FAT3: variants seen among roughly 807,000 people sequenced by gnomAD.
FAT3 encodes protocadherin Fat 3.
A neutral mutation model predicts 310.2 loss-of-function variants in FAT3; 95 were observed. That is an observed-to-expected ratio of 0.31 (90% CI 0.26 to 0.36). The LOEUF (loss-of-function observed/expected upper bound fraction) is 0.36. Ranked by LOEUF, FAT3 falls within the 10% of genes least tolerant of loss-of-function variation. The pLI is 1.00. For synonymous variants in FAT3, 2,314 were observed against 2,192.9 expected, an observed-to-expected ratio of 1.06 and a Z score of -1.54; for missense variants, 5,408 against 5,715.6, an observed-to-expected ratio of 0.95 and a Z score of 1.74.
At chr11:92,278,219 A>G (rs887186327) in intron 1 of FAT3, among the ~76,000 whole-genome samples, 3 of 152,194 alleles carry the variant, frequency 2.0e-5, no homozygotes, top group Non-Finnish European at 4.4e-5. Flanking sequence ...TACATGTTTA[A>G]GGTATGCATT....
At position 92,837,711 on chromosome 11, in the gene FAT3, G is replaced by A. The variant is rs774664015; in HGVS notation, c.10273G>A (p.Ala3425Thr). The change falls in exon 17 of 28, where the codon GCA becomes ACA. Residue 3425 changes from alanine (A) to threonine (T), a missense_variant. Physicochemically the swap from Ala to Thr is moderately conservative, Grantham distance 58. This residue lies in a region of FAT3 where 4,588 missense variants were observed against 4,809.8 expected (regional missense o/e 0.95). Transcript: ENST00000525166. Reference protein sequence around the residue: ...LVQAVDSGIPAMSSTATVNID... With the variant: ...LVQAVDSGIPTMSSTATVNID... ...CCAGGCCGTAGACAGTGGCATTCCT[G>A]CAATGTCATCAACTGCAACTGTCAA... 3.1e-6 allele frequency: 5 copies of A among 1,613,914 alleles called. No homozygotes were observed. Among genetic ancestry groups the A allele is most frequent in the Non-Finnish European group, 1.7e-6 (2 of 1,179,870 alleles).
intron 3 of FAT3, among the ~76,000 whole-genome samples, chr11:92,682,993 G>A (rs1008473334): frequency 6.6e-6 from 1 of 151,224 alleles, no homozygotes; most frequent in African/African-American, 2.4e-5. Flanking sequence ...CAGGAGAATT[G>A]CTTGAACCCA....
At chr11:92,347,834 G>T (rs1003355837) in intron 1 of FAT3, among the ~76,000 whole-genome samples, 8 of 152,104 alleles carry the variant, frequency 5.3e-5, no homozygotes, top group Non-Finnish European at 1.0e-4. Context: ...CTCTGAGGTT[G>T]GGAACTAAGT....
chr11:92,381,652 A>G (rs1203496003), intron 2 of FAT3, among the ~76,000 whole-genome samples: 1 of 152,194 alleles, frequency 6.6e-6, no homozygotes. Flanking sequence ...ATAAATAGAT[A>G]TATTTTTGTT....
intron 2 of FAT3, among the ~76,000 whole-genome samples, chr11:92,515,859 G>C (rs1953464298): frequency 6.6e-6 from 1 of 152,056 alleles, no homozygotes; most frequent in African/African-American, 2.4e-5. Flanking sequence ...TTGTAATACT[G>C]TCTCTGTTTG....
intron 3 of FAT3, among the ~76,000 whole-genome samples, chr11:92,569,585 G>A (rs943920419): frequency 6.6e-6 from 1 of 152,294 alleles, no homozygotes; most frequent in Middle Eastern, 3.4e-3. Context: ...ATTTCCAGTT[G>A]TACTGGTGGG....
chr11:92,354,776 A>G lies in FAT3; in HGVS notation c.2664A>G (p.Val888=). ...ATAGCTCAACTGGAATCGTTTATGT[A>G]GCCGACCAGTTGGACCGGGAATCCA... ...AINSSTGIVY[V]ADQLDRESKA... is the part of the protein sequence containing the mutation. The change falls in exon 2 of 28, where the codon GTA becomes GTG. Residue 888 remains valine, a synonymous_variant. Coordinates refer to ENST00000525166, the MANE Select transcript of FAT3 (RefSeq NM_001367949.2). The G allele has an allele frequency of 6.2e-7, 1 of 1,613,964 alleles. No individual in the cohort carries two copies. Among genetic ancestry groups the G allele is most frequent in the South Asian group, 1.1e-5 (1 of 91,082 alleles).
chr11:92,841,400 C>T (rs1234789671), intron 18 of FAT3, among the ~76,000 whole-genome samples: 1 of 152,158 alleles, frequency 6.6e-6, no homozygotes, highest in East Asian at 1.9e-4. Context: ...CAGAGGGCAA[C>T]CTAGACTCAT....
chr11:92,256,211 T>C (rs1865308296), intron 1 of FAT3, among the ~76,000 whole-genome samples: 1 of 152,094 alleles, frequency 6.6e-6, no homozygotes. Context: ...AAATAGGTCC[T>C]TTATGGAATA....
intron 1 of FAT3, among the ~76,000 whole-genome samples, chr11:92,286,464 T>C (rs1946564997): frequency 6.6e-6 from 1 of 152,164 alleles, no homozygotes. Flanking sequence ...TTCATTCAGT[T>C]CTCTATGTAA....
intron 3 of FAT3, among the ~76,000 whole-genome samples, chr11:92,643,123 C>T (rs1942025654): frequency 6.6e-6 from 1 of 152,210 alleles, no homozygotes; most frequent in Non-Finnish European, 1.5e-5. Context: ...TCATGGAGCT[C>T]ATGTGGACCA....
intron 3 of FAT3, among the ~76,000 whole-genome samples, chr11:92,558,427 C>T (rs373105565): frequency 1.2e-4 from 9 of 74,438 alleles, no homozygotes; most frequent in South Asian, 6.4e-4. Context: ...TGTGTGTATG[C>T]ACGTGTGTGT....
rs568459478 is a variant in FAT3, at chr11:92,362,102, A to T, written c.3292+6698A>T. On this transcript the variant is annotated intron_variant, in intron 2 of 27. Transcript: ENST00000525166. ...AGGAAAGACTCACAGGCCCGTGCCT[A>T]TGCATTTACATTTACCTTTCTTTGC... Among the ~76,000 whole-genome samples the T allele has an allele frequency of 1.5e-4, 23 of 152,284 alleles. No individual in the cohort carries two copies. In the East Asian group the frequency reaches 4.1e-3, roughly 27 times the overall value.
chr11:92,561,303 C>A (rs1955218594), intron 3 of FAT3, among the ~76,000 whole-genome samples: 1 of 147,908 alleles, frequency 6.8e-6, no homozygotes, highest in Admixed American at 6.8e-5. Flanking sequence ...ACCCAAAATG[C>A]TTCCATTATG....
At chr11:92,822,318 A>T (rs1297567658) in intron 13 of FAT3, among the ~76,000 whole-genome samples, 1 of 134,086 alleles carries the variant, frequency 7.5e-6, no homozygotes, top group African/African-American at 3.1e-5. Flanking sequence ...CAGGTTGGTT[A>T]AAAAAAAAAA....
chr11:92,577,020 A>G (rs976016368), intron 3 of FAT3, among the ~76,000 whole-genome samples: 20 of 64,364 alleles, frequency 3.1e-4, no homozygotes, highest in Non-Finnish European at 4.2e-4. Context: ...ATAGAATTCA[A>G]ATCATTCATT....
intron 5 of FAT3, 74 bp downstream of exon 5, chr11:92,762,244 T>C: frequency 1.4e-6 from 2 of 1,409,254 alleles, no homozygotes; most frequent in African/African-American, 1.4e-5. Flanking sequence ...TATACTCCTT[T>C]GAGCAATAAA....
chr11:92,638,192 T>TGG (rs1941836480), intron 3 of FAT3, among the ~76,000 whole-genome samples: 2 of 152,200 alleles, frequency 1.3e-5, no homozygotes, highest in Non-Finnish European at 2.9e-5. Context: ...CATTTGCATA[T>TGG]TAAATTTAAG....
At chr11:92,382,598 A>G (rs372913243) in intron 2 of FAT3, among the ~76,000 whole-genome samples, 8 of 152,104 alleles carry the variant, frequency 5.3e-5, no homozygotes, top group Non-Finnish European at 1.2e-4. Flanking sequence ...TTCTGCCACC[A>G]TCTAGATACC....
Sources: gnomAD v4.1 joint callset for allele counts (sites outside exome capture counted in the v4.1 genomes callset) on GRCh38, gnomAD v4.1.1 for gene constraint, gnomAD v4.1.1 regional missense constraint, MANE v1.5 for transcripts, NCBI Gene and HGNC (gene_info 2026-07-23, HGNC 2026-07-21) for gene names.